Variants in KCNIP4 observed in about 807,000 individuals in gnomAD.
The protein encoded by KCNIP4 is Kv channel-interacting protein 4.
KCNIP4 carries 12 observed loss-of-function variants against 34.0 expected under a neutral mutation model. The observed-to-expected ratio is 0.35, with a 90% CI of 0.23 to 0.57. The LOEUF (loss-of-function observed/expected upper bound fraction) is 0.57. KCNIP4 is among the 20% of genes least tolerant of loss of function. The pLI is 0.83. For synonymous variants in KCNIP4, 124 were observed against 102.2 expected, an observed-to-expected ratio of 1.21 and a Z score of -1.29; for missense variants, 238 against 311.7, an observed-to-expected ratio of 0.76 and a Z score of 1.78.
intron 2 of KCNIP4, among the ~76,000 whole-genome samples, chr4:20,852,136 A>G (rs1277431820): frequency 2.7e-5 from 4 of 150,420 alleles, no homozygotes; most frequent in African/African-American, 9.7e-5. Context: ...TCTATGAAGC[A>G]TCACCCTAAT....
intron 1 of KCNIP4, among the ~76,000 whole-genome samples, chr4:21,083,260 T>TTCCTCTCTCTTTTTTTTCTCTCC (rs1746154953): frequency 6.6e-6 from 1 of 151,748 alleles, no homozygotes; most frequent in South Asian, 2.1e-4. Context: ...CCTCTCTCTC[T>TTCCTCTCTCTTTTTTTTCTCTCC]TCCTCTCTCT....
rs142842411 is a variant in KCNIP4, at chr4:21,133,947, G to A, written c.62-251238C>T. Among the ~76,000 whole-genome samples the A allele has an allele frequency of 1.4e-4, 22 of 152,088 alleles. No homozygotes were observed. The East Asian group carries it at 3.3e-3, about 23-fold the overall frequency. On this transcript the variant is annotated intron_variant, in intron 1 of 8. Transcript: ENST00000382152. ...CTCTGTGTCATCATTCACATCTTTC[G>A]ACTTCCCTTCTGCCCTGGAGGAAAG...
intron 1 of KCNIP4, among the ~76,000 whole-genome samples, chr4:21,269,016 A>G (rs531568483): frequency 6.6e-6 from 1 of 152,320 alleles, no homozygotes; most frequent in East Asian, 1.9e-4. Flanking sequence ...AATAAAGCAC[A>G]CAAGATGGTA....
intron 3 of KCNIP4, among the ~76,000 whole-genome samples, chr4:20,778,592 C>T (rs979771551): frequency 6.6e-6 from 1 of 152,148 alleles, no homozygotes; most frequent in African/African-American, 2.4e-5. Flanking sequence ...GGAAATGGTA[C>T]CTGGTGACCT....
At chr4:21,724,350 A>G (rs1715037913) in intron 1 of KCNIP4, among the ~76,000 whole-genome samples, 1 of 150,774 alleles carries the variant, frequency 6.6e-6, no homozygotes. Context: ...AAAGCCATCT[A>G]TATAACCCTA....
chr4:21,827,348 A>C (rs1722735183), intron 1 of KCNIP4, among the ~76,000 whole-genome samples: 1 of 152,070 alleles, frequency 6.6e-6, no homozygotes, highest in Non-Finnish European at 1.5e-5. Context: ...AGGAGACTTA[A>C]CAACAGAGTA....
At chr4:20,762,643 A>C (rs970867839) in intron 3 of KCNIP4, among the ~76,000 whole-genome samples, 12 of 152,242 alleles carry the variant, frequency 7.9e-5, no homozygotes, top group African/African-American at 2.9e-4. Flanking sequence ...AAAGTGTAAA[A>C]CATAAACAAT....
intron 1 of KCNIP4, among the ~76,000 whole-genome samples, chr4:21,910,117 G>T (rs1728221677): frequency 1.3e-5 from 2 of 152,036 alleles, no homozygotes; most frequent in Admixed American, 6.6e-5. Context: ...CTCATAAGGA[G>T]AACTCAGAGG....
At chr4:21,854,958 T>C (rs978238941) in intron 1 of KCNIP4, among the ~76,000 whole-genome samples, 2 of 152,250 alleles carry the variant, frequency 1.3e-5, no homozygotes, top group Non-Finnish European at 2.9e-5. Flanking sequence ...TCTGACAGTT[T>C]CCAATGAATA....
chr4:21,291,932 AAAGAAAAAAAAAG>A (rs1763542446), intron 1 of KCNIP4, among the ~76,000 whole-genome samples: 3 of 91,416 alleles, frequency 3.3e-5, no homozygotes, highest in Middle Eastern at 4.9e-3. Context: ...AGAAAGAAAG[AAAGAAAAAAAAAG>A]AAAAAAGTCT....
intron 1 of KCNIP4, among the ~76,000 whole-genome samples, chr4:21,856,935 G>A (rs77847729): frequency 0.07 from 10,683 of 152,232 alleles, 523 homozygotes; most frequent in Middle Eastern, 0.13. Flanking sequence ...TTTGGGCACC[G>A]AGGAGCATGG....
chr4:21,664,545 T>C (rs1748694971), intron 1 of KCNIP4, among the ~76,000 whole-genome samples: 1 of 152,162 alleles, frequency 6.6e-6, no homozygotes. Flanking sequence ...GAGTTTGGAA[T>C]GTGGGCCTAT....
At chr4:21,170,847 GTTTGA>G (rs1377166591) in intron 1 of KCNIP4, among the ~76,000 whole-genome samples, 1 of 152,100 alleles carries the variant, frequency 6.6e-6, no homozygotes, top group African/African-American at 2.4e-5. Context: ...AGATATGGAA[GTTTGA>G]TTTGTTTTCT....
At chr4:21,282,580 G>A (rs890052971) in intron 1 of KCNIP4, among the ~76,000 whole-genome samples, 1 of 151,740 alleles carries the variant, frequency 6.6e-6, no homozygotes, top group African/African-American at 2.4e-5. Context: ...TCTATAAAAT[G>A]CTAAAAAGTA....
intron 5 of KCNIP4, among the ~76,000 whole-genome samples, chr4:20,743,796 T>A (rs187324618): frequency 3.3e-5 from 5 of 152,192 alleles, no homozygotes; most frequent in Admixed American, 3.3e-4. Context: ...AAGGAACTTC[T>A]GCACAGCAAA....
chr4:21,393,312 G>GGT (rs1198269843), intron 1 of KCNIP4, among the ~76,000 whole-genome samples: 6 of 97,206 alleles, frequency 6.2e-5, no homozygotes, highest in South Asian at 2.6e-4. Flanking sequence ...AGATCTAGAA[G>GGT]TTTTTTTTTC....
chr4:21,517,735 C>T (rs1734879471), intron 1 of KCNIP4, among the ~76,000 whole-genome samples: 1 of 152,092 alleles, frequency 6.6e-6, no homozygotes, highest in Non-Finnish European at 1.5e-5. Flanking sequence ...TGTTGAAGAA[C>T]TGCTGTGCAC....
At chr4:20,767,364 T>G (rs1216641878) in intron 3 of KCNIP4, 1 of 152,022 alleles carries the variant, frequency 6.6e-6, no homozygotes, top group Non-Finnish European at 1.5e-5. Flanking sequence ...TAAATGTCAG[T>G]AGAAACCCAG....
intron 1 of KCNIP4, among the ~76,000 whole-genome samples, chr4:21,358,447 C>A (rs1228505751): frequency 5.3e-5 from 8 of 152,242 alleles, no homozygotes; most frequent in Admixed American, 5.2e-4. Context: ...ATGATTACCA[C>A]AGAGCAATAT....
Sources: gnomAD v4.1 joint callset for allele counts (sites outside exome capture counted in the v4.1 genomes callset) on GRCh38, gnomAD v4.1.1 for gene constraint, MANE v1.5 for transcripts, NCBI Gene and HGNC (gene_info 2026-07-23, HGNC 2026-07-21) for gene names.